SLCO2A1: variants seen among roughly 807,000 people sequenced by gnomAD.
SLCO2A1 encodes the protein matrin F/G 1.
SLCO2A1 carries 60 observed loss-of-function variants against 71.7 expected under a neutral mutation model. The observed-to-expected ratio is 0.84, with a 90% confidence interval of 0.68 to 1.04. SLCO2A1 has a LOEUF of 1.04. SLCO2A1 is among the 50% of genes least tolerant of loss of function. The pLI is 0.00. For missense variants in SLCO2A1, 745 were observed against 813.4 expected (o/e 0.92, Z 1.02); for synonymous variants, 308 against 326.7 (o/e 0.94, Z 0.62).
At chr3:134,000,089 G>A (rs989667669) in intron 1 of SLCO2A1, among the ~76,000 whole-genome samples, 21 of 152,202 alleles carry the variant, frequency 1.4e-4, no homozygotes, top group Non-Finnish European at 2.5e-4. Context: ...GGCAATGGCC[G>A]ATGATTAGGA....
At chr3:133,940,823 A>G (rs1933402840) in intron 11 of SLCO2A1, among the ~76,000 whole-genome samples, 1 of 152,116 alleles carries the variant, frequency 6.6e-6, no homozygotes, top group Non-Finnish European at 1.5e-5. Context: ...GGTCCTGACT[A>G]CTGTTTTCCT....
At chr3:133,992,919 G>A (rs1934885377) in intron 1 of SLCO2A1, among the ~76,000 whole-genome samples, 2 of 149,444 alleles carry the variant, frequency 1.3e-5, no homozygotes, top group African/African-American at 5.1e-5. Context: ...CAGATGTCAT[G>A]AGTGTGGGTG....
intron 1 of SLCO2A1, among the ~76,000 whole-genome samples, chr3:134,014,205 G>A (rs1412992078): frequency 5.9e-5 from 9 of 152,280 alleles, no homozygotes; most frequent in Admixed American, 5.2e-4. Flanking sequence ...TGCCCTGTTC[G>A]GGGGTGGGAG....
chr3:134,002,495 A>C (rs530247551), intron 1 of SLCO2A1, among the ~76,000 whole-genome samples: 249 of 152,326 alleles, frequency 1.6e-3, no homozygotes, highest in African/African-American at 5.4e-3. Flanking sequence ...TACTTCCCAC[A>C]AATCACTTTA....
chr3:134,014,400 C>G (rs1246508342), intron 1 of SLCO2A1, among the ~76,000 whole-genome samples: 7 of 152,172 alleles, frequency 4.6e-5, no homozygotes, highest in Admixed American at 6.5e-5. Flanking sequence ...ATCATCCCAT[C>G]CTTCAACCCC....
intron 1 of SLCO2A1, among the ~76,000 whole-genome samples, chr3:134,007,528 A>C (rs1226856896): frequency 6.6e-6 from 1 of 152,224 alleles, no homozygotes; most frequent in Non-Finnish European, 1.5e-5. Context: ...TACCATATGG[A>C]TGGCATAAAT....
At chr3:133,999,550 G>A (rs1046881824) in intron 1 of SLCO2A1, among the ~76,000 whole-genome samples, 1 of 152,216 alleles carries the variant, frequency 6.6e-6, no homozygotes, top group East Asian at 1.9e-4. Context: ...ACAAAACAGT[G>A]ACAGCTACTC....
chr3:133,976,946 C>G (rs1384370861), intron 2 of SLCO2A1, among the ~76,000 whole-genome samples: 1 of 152,162 alleles, frequency 6.6e-6, no homozygotes, highest in East Asian at 1.9e-4. Flanking sequence ...AAGGCTTCAC[C>G]TCACCTACTG....
At chr3:133,936,393 T>G (rs1391489926) in intron 12 of SLCO2A1, among the ~76,000 whole-genome samples, 5 of 152,176 alleles carry the variant, frequency 3.3e-5, no homozygotes. Context: ...TCGAATCCCA[T>G]GTACTTCCAC....
intron 2 of SLCO2A1, among the ~76,000 whole-genome samples, chr3:133,976,945 C>A (rs1321094071): frequency 6.6e-6 from 1 of 152,176 alleles, no homozygotes; most frequent in Non-Finnish European, 1.5e-5. Context: ...AAAGGCTTCA[C>A]CTCACCTACT....
At chr3:133,975,537 G>A (rs540569712) in intron 2 of SLCO2A1, among the ~76,000 whole-genome samples, 28 of 152,214 alleles carry the variant, frequency 1.8e-4, no homozygotes, top group African/African-American at 6.0e-4. Flanking sequence ...ATCAGACCAT[G>A]TTCCCTCAGC....
rs912492014 is a variant in SLCO2A1, at chr3:133,933,784, T to C, written c.*929A>G. On this transcript the variant is annotated 3_prime_UTR_variant, in exon 14 of 14. Transcript: ENST00000310926. ...GCTGAAGTCCAGACAGGGAAGTGCA[T>C]GTGAAGCCACCTCATCTGCTGCCAG... 2 of 152,188 alleles carry C rather than the reference T, an allele frequency of 1.3e-5. No homozygotes were observed. Among genetic ancestry groups the C allele is most frequent in the African/African-American group, 4.8e-5 (2 of 41,440 alleles). 9.4% of individuals were successfully genotyped at this position (152,188 alleles called of 1,614,324 possible). A position where few individuals can be genotyped will look rare whatever the true frequency, so the allele number is the denominator to read the frequency against.
intron 3 of SLCO2A1, among the ~76,000 whole-genome samples, chr3:133,968,635 A>G (rs1197050362): frequency 3.3e-5 from 5 of 152,184 alleles, no homozygotes; most frequent in South Asian, 2.1e-4. Flanking sequence ...TGCGGCATCC[A>G]TTGTCTGCAT....
chr3:133,947,189 T>A, intron 9 of SLCO2A1, 67 bp downstream of exon 9: 3 of 1,341,392 alleles, frequency 2.2e-6, no homozygotes, highest in Non-Finnish European at 2.1e-6. Flanking sequence ...GGAAGGAAGA[T>A]GTATAACAGC....
intron 10 of SLCO2A1, 129 bp downstream of exon 10, chr3:133,944,966 G>A: frequency 8.8e-7 from 1 of 1,138,236 alleles, no homozygotes; most frequent in South Asian, 1.5e-5. Flanking sequence ...GAGGAGGCCA[G>A]GATGCTGGTA....
At chr3:134,026,865 C>G (rs1935710139) in intron 1 of SLCO2A1, among the ~76,000 whole-genome samples, 1 of 152,210 alleles carries the variant, frequency 6.6e-6, no homozygotes, top group Non-Finnish European at 1.5e-5. Context: ...TATGACAAAA[C>G]TGGCACATGT....
At chr3:133,961,421 A>C (rs1250212150) in intron 3 of SLCO2A1, among the ~76,000 whole-genome samples, 2 of 152,192 alleles carry the variant, frequency 1.3e-5, no homozygotes, top group Admixed American at 1.3e-4. Context: ...TAATTTATTT[A>C]ATACATATTT....
chr3:133,956,287 T>A (rs1206075073), intron 3 of SLCO2A1, among the ~76,000 whole-genome samples: 1 of 152,150 alleles, frequency 6.6e-6, no homozygotes, highest in African/African-American at 2.4e-5. Flanking sequence ...CTGCCGGTGC[T>A]GTTGGGCTCA....
chr3:133,979,206 T>G (rs766818422), intron 2 of SLCO2A1, among the ~76,000 whole-genome samples: 2 of 152,216 alleles, frequency 1.3e-5, no homozygotes, highest in East Asian at 1.9e-4. Context: ...GAAGTGGGCA[T>G]GAACATAGTA....
Sources: gnomAD v4.1 joint callset for allele counts (sites outside exome capture counted in the v4.1 genomes callset) on GRCh38, gnomAD v4.1.1 for gene constraint, MANE v1.5 for transcripts, NCBI Gene and HGNC (gene_info 2026-07-23, HGNC 2026-07-21) for gene names.